The following KLF8 variants were observed in gnomAD, a reference collection of about 807,000 sequenced individuals.
KLF8 encodes the protein Krueppel-like factor 8.
Under a neutral mutation model 18.2 loss-of-function variants are expected in KLF8, and 10 were observed. That is an observed-to-expected ratio of 0.55 (90% confidence interval 0.34 to 0.93). KLF8 has a LOEUF of 0.93. Ranked by LOEUF, KLF8 falls within the 40% of genes least tolerant of loss-of-function variation. KLF8 has a pLI of 0.02. For missense variants in KLF8, 264 were observed against 277.9 expected, an observed-to-expected ratio of 0.95 and a Z score of 0.36; for synonymous variants, 109 against 97.3, an observed-to-expected ratio of 1.12 and a Z score of -0.71.
rs955264210 is a variant in KLF8 at position 56,268,616 on chromosome X, A to G, written c.647-762A>G. 5 of 565,353 alleles carry G rather than the reference A, an allele frequency of 8.8e-6. No individual in the cohort carries two copies. The Admixed American group carries it at 4.2e-4, about 48-fold the overall frequency. 46.6% of individuals were successfully genotyped at this position (565,353 alleles called of 1,213,427 possible). A position where few individuals can be genotyped will look rare whatever the true frequency, so the allele number is the denominator to read the frequency against. ...CACAAACATGCACACCTCAAGATAC[A>G]TGCTTAAAACTTTTTAGTGAATGAT... On this transcript the variant is annotated intron_variant, in intron 3 of 5. Transcript: ENST00000468660.
At chrX:56,094,425 G>A in the KLF8 span, among the ~76,000 whole-genome samples, 3,593 of 110,673 alleles carry the variant, frequency 0.032, 160 homozygotes, top group African/African-American at 0.11. Context: ...ATATATTAAC[G>A]TGTATGTACT....
At chrX:56,150,509 G>A in the KLF8 span, among the ~76,000 whole-genome samples, 1 of 111,923 alleles carries the variant, frequency 8.9e-6, no homozygotes, top group Admixed American at 9.5e-5. Flanking sequence ...GGGATGTAGT[G>A]TGTATTTTGT....
chrX:56,162,275 G>A, the KLF8 span, among the ~76,000 whole-genome samples: 1 of 112,023 alleles, frequency 8.9e-6, no homozygotes, highest in Non-Finnish European at 1.9e-5. Context: ...CATTCTGGGA[G>A]AACCTCTACT....
the KLF8 span, among the ~76,000 whole-genome samples, chrX:56,192,397 G>A: frequency 9.0e-6 from 1 of 111,362 alleles, no homozygotes; most frequent in South Asian, 3.7e-4. Context: ...ACTACAAAAA[G>A]CAATCTACAG....
At chrX:56,034,816 C>G in the KLF8 span, among the ~76,000 whole-genome samples, 2 of 81,232 alleles carry the variant, frequency 2.5e-5, no homozygotes, top group African/African-American at 9.4e-5. Context: ...AGTGCAGTGG[C>G]GCGTTCTCGG....
chrX:56,128,803 ACAAAC>A, the KLF8 span, among the ~76,000 whole-genome samples: 52 of 111,913 alleles, frequency 4.6e-4, 2 homozygotes, highest in Non-Finnish European at 8.6e-4. Flanking sequence ...ACAAAGCAAA[ACAAAC>A]AAACAAACAA....
At chrX:56,094,432 T>A in the KLF8 span, among the ~76,000 whole-genome samples, 4 of 111,182 alleles carry the variant, frequency 3.6e-5, no homozygotes, top group South Asian at 1.5e-3. Flanking sequence ...AACGTGTATG[T>A]ACTTAACAAC....
chrX:56,206,440 T>A, the KLF8 span, among the ~76,000 whole-genome samples: 4 of 112,089 alleles, frequency 3.6e-5, no homozygotes, highest in Non-Finnish European at 7.5e-5. Flanking sequence ...GGGCATTGGA[T>A]AAATAAACCT....
chrX:56,151,686 T>C, the KLF8 span, among the ~76,000 whole-genome samples: 1 of 111,136 alleles, frequency 9.0e-6, no homozygotes, highest in Non-Finnish European at 1.9e-5. Flanking sequence ...CAGTTTGAGG[T>C]ACCTTTGAAA....
chrX:56,037,636 T>G, the KLF8 span, among the ~76,000 whole-genome samples: 1 of 111,542 alleles, frequency 9.0e-6, no homozygotes, highest in Non-Finnish European at 1.9e-5. Context: ...TTTTCTTGGT[T>G]CAATCCTTTT....
the KLF8 span, among the ~76,000 whole-genome samples, chrX:56,006,218 G>A: frequency 1.8e-5 from 2 of 112,149 alleles, no homozygotes; most frequent in Non-Finnish European, 3.8e-5. Flanking sequence ...TGTCTAAGTC[G>A]CTGTGCTGCC....
chrX:56,055,107 A>G, the KLF8 span, among the ~76,000 whole-genome samples: 2 of 111,239 alleles, frequency 1.8e-5, no homozygotes, highest in Admixed American at 1.9e-4. Context: ...TGTACATTTG[A>G]TCTTGTCAAC....
the KLF8 span, among the ~76,000 whole-genome samples, chrX:55,975,543 G>T: frequency 2.7e-5 from 3 of 111,703 alleles, no homozygotes; most frequent in Non-Finnish European, 5.6e-5. Flanking sequence ...GATGCACTTT[G>T]TGTGTTTGCA....
the KLF8 span, among the ~76,000 whole-genome samples, chrX:56,065,564 T>A: frequency 8.9e-6 from 1 of 111,740 alleles, no homozygotes; most frequent in Non-Finnish European, 1.9e-5. Flanking sequence ...TTTCATTGGA[T>A]CTGTTGCTGG....
At chrX:56,055,805 G>A in the KLF8 span, among the ~76,000 whole-genome samples, 12,696 of 110,508 alleles carry the variant, frequency 0.11, 1,296 homozygotes, top group African/African-American at 0.33. Flanking sequence ...TCTTGTTTCA[G>A]AAAGCCTGTC....
intron 5 of KLF8, among the ~76,000 whole-genome samples, chrX:56,275,338 A>G (rs1329906367): frequency 9.0e-6 from 1 of 111,718 alleles, no homozygotes; most frequent in Non-Finnish European, 1.9e-5. Flanking sequence ...TGGATTTTGT[A>G]TGTCAGTTTT....
the KLF8 span, among the ~76,000 whole-genome samples, chrX:56,196,802 C>T: frequency 8.9e-6 from 1 of 111,935 alleles, no homozygotes; most frequent in Non-Finnish European, 1.9e-5. Flanking sequence ...ACATTCTTCT[C>T]AGCACCACAT....
chrX:56,119,048 T>C, the KLF8 span, among the ~76,000 whole-genome samples: 1 of 111,039 alleles, frequency 9.0e-6, no homozygotes, highest in Non-Finnish European at 1.9e-5. Flanking sequence ...AGGATAGCTT[T>C]TCTTAAATCT....
the KLF8 span, among the ~76,000 whole-genome samples, chrX:55,938,742 A>G: frequency 2.7e-5 from 3 of 111,457 alleles, no homozygotes; most frequent in East Asian, 2.8e-4. Flanking sequence ...CGGATAAAAC[A>G]GACTTTAAAC....
Sources: allele counts gnomAD v4.1 joint callset (sites outside exome capture counted in the v4.1 genomes callset), GRCh38; gene constraint gnomAD v4.1.1; transcripts MANE v1.5; gene names NCBI Gene and HGNC (gene_info 2026-07-23, HGNC 2026-07-21).